ATP11A: variants seen among roughly 807,000 people sequenced by gnomAD.
ATP11A encodes the protein phospholipid-transporting ATPase IH.
Under a neutral mutation model 154.4 loss-of-function variants are expected in ATP11A, and 81 were observed. The ratio of observed to expected loss-of-function variants is 0.52; its 90% confidence interval spans 0.44 to 0.63. The LOEUF (loss-of-function observed/expected upper bound fraction) is 0.63. Ranked by LOEUF, ATP11A falls within the 30% of genes least tolerant of loss-of-function variation. The pLI is 0.00. For missense variants in ATP11A, 1,316 were observed against 1,474.3 expected, an observed-to-expected ratio of 0.89 and a Z score of 1.76; for synonymous variants, 623 against 585.9, an observed-to-expected ratio of 1.06 and a Z score of -0.91.
At chr13:112,776,494 T>C (rs1224189148) in intron 1 of ATP11A, among the ~76,000 whole-genome samples, 2 of 152,226 alleles carry the variant, frequency 1.3e-5, no homozygotes, top group East Asian at 3.8e-4. Context: ...ATCTGGATAA[T>C]TGATCGGGTG....
intron 1 of ATP11A, among the ~76,000 whole-genome samples, chr13:112,764,775 A>T (rs1445119152): frequency 6.6e-6 from 1 of 152,120 alleles, no homozygotes; most frequent in Non-Finnish European, 1.5e-5. Context: ...TTCACACTGG[A>T]TGGCTACTGA....
intron 1 of ATP11A, among the ~76,000 whole-genome samples, chr13:112,735,690 C>A (rs1890927201): frequency 6.6e-6 from 1 of 152,282 alleles, no homozygotes; most frequent in East Asian, 1.9e-4. Flanking sequence ...GGCTTAGAAT[C>A]CTGCACCGTG....
intron 1 of ATP11A, among the ~76,000 whole-genome samples, chr13:112,707,416 A>G (rs1213919524): frequency 1.2e-5 from 1 of 86,074 alleles, no homozygotes; most frequent in Non-Finnish European, 2.5e-5. Context: ...ATTCTGTCTC[A>G]AAAAAAAAAA....
At chr13:112,767,543 G>A (rs979460289) in intron 1 of ATP11A, among the ~76,000 whole-genome samples, 1 of 151,306 alleles carries the variant, frequency 6.6e-6, no homozygotes, top group African/African-American at 2.4e-5. Context: ...AGGTAGGGAG[G>A]ATGTGGGGGT....
chr13:112,864,420 A>G (rs73571028), intron 25 of ATP11A, among the ~76,000 whole-genome samples: 785 of 22,982 alleles, frequency 0.034, 53 homozygotes, highest in East Asian at 0.059. Flanking sequence ...TCCCAGCGGG[A>G]TCCATCACCA....
intron 12 of ATP11A, among the ~76,000 whole-genome samples, chr13:112,830,142 A>G (rs2079047528): frequency 1.3e-5 from 2 of 152,244 alleles, no homozygotes; most frequent in African/African-American, 2.4e-5. Flanking sequence ...AAGGTCTTTT[A>G]TAATTAATTT....
chr13:112,872,589 C>T (rs554790260), intron 26 of ATP11A, among the ~76,000 whole-genome samples: 6 of 152,216 alleles, frequency 3.9e-5, no homozygotes, highest in Admixed American at 1.3e-4. Context: ...CCAGCCTGGG[C>T]GACAGAGCGA....
At chr13:112,730,545 C>A (rs542632166) in intron 1 of ATP11A, among the ~76,000 whole-genome samples, 1 of 152,342 alleles carries the variant, frequency 6.6e-6, no homozygotes, top group South Asian at 2.1e-4. Flanking sequence ...GACACACAGC[C>A]GCTTCCCAGG....
intron 25 of ATP11A, among the ~76,000 whole-genome samples, chr13:112,868,402 C>G (rs1334292165): frequency 6.6e-6 from 1 of 152,194 alleles, no homozygotes; most frequent in African/African-American, 2.4e-5. Flanking sequence ...TATAGGAATA[C>G]CCATTCTCAA....
chr13:112,856,059 C>T lies in ATP11A; in HGVS notation c.2392C>T (p.Arg798Cys), dbSNP rs756233070. The T allele has an allele frequency of 1.6e-5, 26 of 1,613,236 alleles. No individual in the cohort carries two copies. The highest frequency in any genetic ancestry group is 1.8e-4 in the Middle Eastern group (1 of 5,714). The stretch of plus-strand genomic sequence containing the variant: ...GAGCTGCAGCGCGGTGCTCTGCTGC[C>T]GCATGGCGCCCTTGCAGAAGGCTCA... ...CRSCSAVLCC[R>C]MAPLQKAQIV... Residue 798 changes from arginine to cysteine, a missense_variant, in exon 20 of 30, where the codon CGC becomes TGC. By Grantham distance (180) the Arg-to-Cys change is radical. This residue lies in a region of ATP11A where 876 missense variants were observed against 1,006.8 expected (regional missense o/e 0.87). Transcript: ENST00000375645.
chr13:112,850,997 C>T (rs753968025), intron 17 of ATP11A, 40 bp from the exon 18 acceptor site: 9 of 1,585,982 alleles, frequency 5.7e-6, no homozygotes, highest in Non-Finnish European at 7.8e-6. Context: ...CAGCAAGTGA[C>T]ACCTTGAATT....
intron 1 of ATP11A, among the ~76,000 whole-genome samples, chr13:112,714,228 G>C (rs1226878651): frequency 6.7e-6 from 1 of 149,692 alleles, no homozygotes; most frequent in African/African-American, 2.5e-5. Flanking sequence ...CTTTCCCCTT[G>C]TTTTCTCTTT....
chr13:112,819,448 G>A (rs1420745416), intron 7 of ATP11A, 41 bp downstream of exon 7: 2 of 1,574,224 alleles, frequency 1.3e-6, no homozygotes, highest in Non-Finnish European at 1.7e-6. Context: ...GGTTTTTTAT[G>A]CCCTCAACAT....
At chr13:112,705,826 G>A (rs1323714272) in intron 1 of ATP11A, among the ~76,000 whole-genome samples, 1 of 152,192 alleles carries the variant, frequency 6.6e-6, no homozygotes, top group East Asian at 1.9e-4. Context: ...ACATTATAAA[G>A]ATGTATTGCT....
intron 8 of ATP11A, among the ~76,000 whole-genome samples, chr13:112,820,342 G>A (rs536588627): frequency 5.3e-5 from 8 of 152,326 alleles, no homozygotes; most frequent in Admixed American, 1.3e-4. Context: ...TTTGGAGGCC[G>A]TTTTTGGGAA....
intron 1 of ATP11A, among the ~76,000 whole-genome samples, chr13:112,770,650 G>A (rs530534440): frequency 6.6e-6 from 1 of 152,314 alleles, no homozygotes; most frequent in East Asian, 1.9e-4. Flanking sequence ...CACCTGCGGA[G>A]GGCCTGTTTG....
intron 1 of ATP11A, among the ~76,000 whole-genome samples, chr13:112,691,463 CAAA>C (rs34506401): frequency 4.2e-4 from 35 of 84,336 alleles, no homozygotes; most frequent in Admixed American, 1.3e-3. Context: ...GACTCTGTAT[CAAA>C]AAAAAAAAAA....
rs946465175 is a variant in ATP11A at position 112,815,182 on chromosome 13, C to T, written c.442-901C>T. Among the ~76,000 whole-genome samples, 5 of 152,080 alleles carry T rather than the reference C, an allele frequency of 3.3e-5. 1 individual carries two copies. Among genetic ancestry groups the T allele is most frequent in the Admixed American group, 2.6e-4 (4 of 15,282 alleles). On this transcript the variant is annotated intron_variant, in intron 5 of 29. Transcript: ENST00000375645. ...TGCAATGGCTTCCTCACCCTTCAGA[C>T]ACACAGTCCAGATCTGCGATGGCTT...
chr13:112,774,528 T>C (rs1282485576), intron 1 of ATP11A, among the ~76,000 whole-genome samples: 1 of 152,164 alleles, frequency 6.6e-6, no homozygotes, highest in Admixed American at 6.5e-5. Flanking sequence ...AACTTACAAA[T>C]TGCAAATGTG....
Sources: allele counts gnomAD v4.1 joint callset (sites outside exome capture counted in the v4.1 genomes callset), GRCh38; gene constraint gnomAD v4.1.1; regional missense constraint gnomAD v4.1.1; transcripts MANE v1.5; gene names NCBI Gene and HGNC (gene_info 2026-07-23, HGNC 2026-07-21).